Variants in CLEC12A observed in about 807,000 individuals in gnomAD.
The protein encoded by CLEC12A is C-type lectin protein CLL-1.
CLEC12A carries 22 observed loss-of-function variants against 26.5 expected under a neutral mutation model. That is an observed-to-expected ratio of 0.83 (90% CI 0.59 to 1.19). CLEC12A has a LOEUF of 1.19. Among genes scored for constraint, CLEC12A ranks in the 50% most tolerant of loss-of-function variants. The pLI is 0.00. For missense variants in CLEC12A, 353 were observed against 315.6 expected (o/e 1.12, Z -0.90); for synonymous variants, 119 against 101.9 (o/e 1.17, Z -1.01).
At chr12:9,996,952 T>A, downstream of CLEC12A, 1 of 1,614,112 alleles carries the variant, frequency 6.2e-7, no homozygotes, top group African/African-American at 1.3e-5. Context: ...ATAGCAGCTA[T>A]CTCCATAATA....
chr12:9,979,092 A>G, intron 2 of CLEC12A, 28 bp downstream of exon 2: 1 of 1,533,402 alleles, frequency 6.5e-7, no homozygotes, highest in Non-Finnish European at 9.0e-7. Context: ...TTTTGTCAAG[A>G]GGAAGTATCT....
downstream of CLEC12A, among the ~76,000 whole-genome samples, chr12:9,986,601 A>C (rs1485008903): frequency 2.6e-5 from 4 of 152,188 alleles, no homozygotes; most frequent in Non-Finnish European, 5.9e-5. Flanking sequence ...GCCTGAGGTC[A>C]GGAGTTCAAG....
chr12:9,999,047 A>T, downstream of CLEC12A: 1 of 1,598,164 alleles, frequency 6.3e-7, no homozygotes, highest in Non-Finnish European at 8.6e-7. Context: ...CGGAGATGAG[A>T]GCTGGTTTCC....
intron 4 of CLEC12A, chr12:9,995,012 A>T: frequency 1.3e-6 from 2 of 1,570,786 alleles, no homozygotes; most frequent in Non-Finnish European, 1.7e-6. Flanking sequence ...GTCTTGTTTG[A>T]ATTAGCAGGT....
intron 1 of CLEC12A, among the ~76,000 whole-genome samples, chr12:9,977,857 T>C (rs367602156): frequency 6.6e-6 from 1 of 152,194 alleles, no homozygotes; most frequent in Non-Finnish European, 1.5e-5. Context: ...AAGATAACTT[T>C]TGAATAATTG....
Position 9,979,416 on chromosome 12 carries a change from C to G in CLEC12A, c.271C>G (p.Leu91Val). 1 of 1,611,768 alleles carries G rather than the reference C, an allele frequency of 6.2e-7. No individual in the cohort carries two copies. The highest frequency in any genetic ancestry group is 1.1e-5 in the South Asian group (1 of 90,938). The change falls in exon 3 of 6, where the codon CTA becomes GTA. Residue 91 changes from leucine (L) to valine (V), a missense_variant. By Grantham distance (32) the Leu-to-Val change is conservative. Coordinates refer to ENST00000304361, the MANE Select transcript of CLEC12A (RefSeq NM_138337.6). ...ISEELQRNIS[L>V]QLMSNMNISN... ...TGAAGAGCTCCAGAGAAATATTTCT[C>G]TACAACTGATGAGTAACATGAATAT...
In CLEC12A at chr12:9,979,685, G is replaced by A. The variant is rs1042216635; in HGVS notation, c.379+161G>A. ...ATGGAGAATTCATTGATATTTCCAC[G>A]CAGTTAGAAGAAAAACAGAAAAAGT... On this transcript the variant is annotated intron_variant, in intron 3 of 5. Coordinates refer to ENST00000304361, the MANE Select transcript of CLEC12A (RefSeq NM_138337.6). 1.3e-4 allele frequency among the ~76,000 whole-genome samples: 20 copies of A among 152,120 alleles called. 1 individual carries two copies. Among genetic ancestry groups the A allele is most frequent in the South Asian group, 6.2e-4 (3 of 4,826 alleles).
chr12:9,965,324 C>T (rs1007693644), intron 1 of CLEC12A, among the ~76,000 whole-genome samples: 4 of 152,168 alleles, frequency 2.6e-5, no homozygotes, highest in Non-Finnish European at 5.9e-5. Flanking sequence ...GGAAATTAGC[C>T]GGACATGATC....
Position 9,971,672 on chromosome 12 carries a change from AAATTTGG to A in CLEC12A, c.77_83del (p.Lys26ArgfsTer19), listed in dbSNP as rs755301368. 6.2e-7 allele frequency: 1 copy of A among 1,609,878 alleles called. No individual in the cohort carries two copies. The highest frequency in any genetic ancestry group is 1.7e-5 in the Admixed American group (1 of 59,588). On this transcript the variant is annotated frameshift_variant, in exon 1 of 6. Transcript: ENST00000304361. LOFTEE classifies it high-confidence loss of function. ...GATGGAAAAAATCCCAGAAATTGGC[AAATTTGG>A]GGAAAAAGGTAAGATTTTGAGTTAT...
intron 1 of CLEC12A, among the ~76,000 whole-genome samples, chr12:9,974,844 C>T (rs1338145230): frequency 6.6e-6 from 1 of 152,166 alleles, no homozygotes; most frequent in Non-Finnish European, 1.5e-5. Context: ...TGTGTCTCCA[C>T]CCAAATCTCA....
intron 1 of CLEC12A, among the ~76,000 whole-genome samples, chr12:9,953,651 C>A (rs1320765580): frequency 6.6e-6 from 1 of 151,350 alleles, no homozygotes; most frequent in East Asian, 2.0e-4. Flanking sequence ...TCTGCCCGGC[C>A]GCCCCTACTG....
chr12:9,994,832 C>T (rs113405717), intron 4 of CLEC12A, among the ~76,000 whole-genome samples: 16 of 138,600 alleles, frequency 1.2e-4, no homozygotes, highest in Non-Finnish European at 1.8e-4. Context: ...TGTGCATGCG[C>T]GCACACACAC....
downstream of CLEC12A, among the ~76,000 whole-genome samples, chr12:9,989,756 T>C (rs1250330800): frequency 2.0e-5 from 3 of 152,230 alleles, no homozygotes; most frequent in African/African-American, 4.8e-5. Flanking sequence ...TGGAAAGACA[T>C]GTCATCTAGG....
intron 4 of CLEC12A, among the ~76,000 whole-genome samples, chr12:9,994,755 T>C (rs1342173523): frequency 6.6e-6 from 1 of 152,092 alleles, no homozygotes; most frequent in Non-Finnish European, 1.5e-5. Context: ...AAAATAATGA[T>C]ATGAAATTTT....
At chr12:9,988,241 G>C (rs536900988), downstream of CLEC12A, among the ~76,000 whole-genome samples, 4 of 152,210 alleles carry the variant, frequency 2.6e-5, no homozygotes, top group South Asian at 6.2e-4. Flanking sequence ...TCTCATGTTA[G>C]ACCTAAAACC....
chr12:9,984,884 C>T lies in CLEC12A; in HGVS notation c.656C>T (p.Ala219Val), dbSNP rs775191583. Residue 219 changes from alanine to valine, a missense_variant, in exon 6 of 6, where the codon GCA becomes GTA. By Grantham distance (64) the Ala-to-Val change is moderately conservative. Coordinates refer to ENST00000304361, the MANE Select transcript of CLEC12A (RefSeq NM_138337.6). ...TTCTCTTTCAGGGTTATAAGAAACG[C>T]ACCTGACTTAAATAACATGTATTGT... is the stretch of plus-strand genomic sequence containing the variant. ...INSSAWVIRN[A>V]PDLNNMYCGY... is the part of the protein sequence containing the mutation. 12 of 1,524,436 alleles carry T rather than the reference C, an allele frequency of 7.9e-6. No individual in the cohort carries two copies. Among genetic ancestry groups the T allele is most frequent in the South Asian group, 6.7e-5 (5 of 74,856 alleles). The allele number at this position is 1,524,436 out of a possible 1,614,324, so 94.4% of individuals were successfully genotyped here.
At chr12:10,002,301 A>G in the CLEC12A span, among the ~76,000 whole-genome samples, 1 of 152,228 alleles carries the variant, frequency 6.6e-6, no homozygotes, top group Non-Finnish European at 1.5e-5. Flanking sequence ...GAAATATTTA[A>G]TGAATGTTAA....
intron 5 of CLEC12A, chr12:9,984,208 T>C (rs934722321): frequency 6.5e-6 from 1 of 152,790 alleles, no homozygotes; most frequent in Non-Finnish European, 1.5e-5. Context: ...CTGTACTATG[T>C]CACCACAAAT....
In CLEC12A at chr12:9,976,909, A is replaced by G. The variant is rs147545327; in HGVS notation, c.92-2057A>G. Among the ~76,000 whole-genome samples the G allele has an allele frequency of 9.3e-3, 1,413 of 152,150 alleles. 26 individuals are homozygous for G. The highest frequency in any genetic ancestry group is 0.032 in the Admixed American group (485 of 15,272). ...TTTATAAAGGGGAGTTTCCCTGCAC[A>G]AGTTCTTTCTTCTCTTGTCTGCTGC... On this transcript the variant is annotated intron_variant, in intron 1 of 5. Coordinates refer to ENST00000304361, the MANE Select transcript of CLEC12A (RefSeq NM_138337.6).
Sources: allele counts gnomAD v4.1 joint callset (sites outside exome capture counted in the v4.1 genomes callset), GRCh38; gene constraint gnomAD v4.1.1; transcripts MANE v1.5; gene names NCBI Gene and HGNC (gene_info 2026-07-23, HGNC 2026-07-21).